Variants in CDH4 observed in about 807,000 individuals in gnomAD.
CDH4 encodes the protein cadherin-4.
CDH4 carries 33 observed loss-of-function variants against 86.0 expected under a neutral mutation model. The ratio of observed to expected loss-of-function variants is 0.38; its 90% CI spans 0.29 to 0.51. The LOEUF (loss-of-function observed/expected upper bound fraction) is 0.51. CDH4 is among the 20% of genes least tolerant of loss of function. The pLI, the probability that CDH4 is intolerant of heterozygous loss-of-function variation, is 0.86. For missense variants in CDH4, 1,114 were observed against 1,307.4 expected (o/e 0.85, Z 2.28); for synonymous variants, 555 against 549.4 (o/e 1.01, Z -0.14).
chr20:61,924,939 A>G (rs1028334358), intron 11 of CDH4, among the ~76,000 whole-genome samples: 1 of 152,148 alleles, frequency 6.6e-6, no homozygotes, highest in Non-Finnish European at 1.5e-5. Flanking sequence ...CACAGACCCC[A>G]TCCTGCGGGG....
chr20:61,374,126 A>G (rs2145437516), intron 2 of CDH4, among the ~76,000 whole-genome samples: 1 of 152,240 alleles, frequency 6.6e-6, no homozygotes, highest in South Asian at 2.1e-4. Context: ...GCTGGCACTG[A>G]GCTTGGGGCT....
intron 2 of CDH4, among the ~76,000 whole-genome samples, chr20:61,706,199 G>C (rs527254659): frequency 7.0e-4 from 107 of 152,292 alleles, no homozygotes; most frequent in African/African-American, 2.5e-3. Flanking sequence ...GTTGCTCCCA[G>C]CTTTCCCGTG....
chr20:61,289,470 C>T (rs561428043), intron 2 of CDH4, among the ~76,000 whole-genome samples: 5 of 152,230 alleles, frequency 3.3e-5, no homozygotes, highest in Admixed American at 1.3e-4. Flanking sequence ...GTAAGGGGTA[C>T]GGGGTGTCGC....
intron 3 of CDH4, among the ~76,000 whole-genome samples, chr20:61,761,843 AC>A (rs147182612): frequency 0.01 from 1,590 of 152,278 alleles, 26 homozygotes; most frequent in African/African-American, 0.036. Context: ...CAGACAGAGC[AC>A]CTTTCCTCTC....
chr20:61,769,071 T>A (rs2088740262), intron 3 of CDH4, among the ~76,000 whole-genome samples: 1 of 152,138 alleles, frequency 6.6e-6, no homozygotes, highest in Non-Finnish European at 1.5e-5. Flanking sequence ...AGAGGGCCCC[T>A]GCTAGTGGCT....
chr20:61,383,388 A>AAT lies in CDH4; in HGVS notation c.169+128456_169+128457dup, dbSNP rs1283950409. On this transcript the variant is annotated intron_variant, in intron 2 of 15. Coordinates refer to ENST00000614565, the MANE Select transcript of CDH4 (RefSeq NM_001794.5). The stretch of plus-strand genomic sequence containing the variant: ...ATATGAATATATATGGATATATATG[A>AAT]ATATATGATATATATGAATATATAT... Among the ~76,000 whole-genome samples the AAT allele has an allele frequency of 6.0e-5, 4 of 66,210 alleles. 1 individual carries two copies. The highest frequency in any genetic ancestry group is 2.8e-4 in the Admixed American group (2 of 7,240). 43.4% of individuals were successfully genotyped at this position (66,210 alleles called of 152,430 possible).
At position 61,383,283 on chromosome 20, in the gene CDH4, T is replaced by G. The variant is rs1423088352; in HGVS notation, c.169+128346T>G. Among the ~76,000 whole-genome samples, 8 of 123,010 alleles carry G rather than the reference T, an allele frequency of 6.5e-5. 3 individuals carry two copies. Among genetic ancestry groups the G allele is most frequent in the African/African-American group, 2.7e-4 (8 of 29,500 alleles). The allele number at this position is 123,010 out of a possible 152,430, so 80.7% of individuals were successfully genotyped here. A position where few individuals can be genotyped will look rare whatever the true frequency, so the allele number is the denominator to read the frequency against. On this transcript the variant is annotated intron_variant, in intron 2 of 15. Transcript: ENST00000614565. ...ATATGTGATATATATGAATATATGA[T>G]ATATATGAATATATGTGATATATAT...
chr20:61,468,032 C>A (rs1301567116), intron 2 of CDH4, among the ~76,000 whole-genome samples: 1 of 152,240 alleles, frequency 6.6e-6, no homozygotes, highest in Admixed American at 6.5e-5. Context: ...ATTCTCCCAG[C>A]ACAGGGTGTG....
chr20:61,712,713 C>G (rs1600901516), intron 2 of CDH4, among the ~76,000 whole-genome samples: 1 of 152,214 alleles, frequency 6.6e-6, no homozygotes, highest in East Asian at 1.9e-4. Context: ...CAGAAGGCAG[C>G]AGGAGCCGTG....
intron 2 of CDH4, among the ~76,000 whole-genome samples, chr20:61,564,894 C>A (rs2086252807): frequency 6.6e-6 from 1 of 152,188 alleles, no homozygotes; most frequent in African/African-American, 2.4e-5. Flanking sequence ...TGTAAATCCA[C>A]AGCATTCACT....
At chr20:61,529,567 G>C (rs893015738) in intron 2 of CDH4, among the ~76,000 whole-genome samples, 5 of 152,210 alleles carry the variant, frequency 3.3e-5, no homozygotes, top group African/African-American at 1.2e-4. Context: ...AGTGAGGAAA[G>C]AGAATCTCTG....
At chr20:61,569,911 G>A (rs970135791) in intron 2 of CDH4, among the ~76,000 whole-genome samples, 1 of 152,144 alleles carries the variant, frequency 6.6e-6, no homozygotes, top group Non-Finnish European at 1.5e-5. Flanking sequence ...TTTCATCAGT[G>A]TTATCATTAC....
intron 2 of CDH4, among the ~76,000 whole-genome samples, chr20:61,535,849 G>GTTCC (rs2085993240): frequency 6.6e-6 from 1 of 152,172 alleles, no homozygotes. Context: ...CGAACCCCCT[G>GTTCC]TTCCCGCTCC....
chr20:61,435,297 A>G (rs2085274535), intron 2 of CDH4, among the ~76,000 whole-genome samples: 1 of 152,236 alleles, frequency 6.6e-6, no homozygotes, highest in South Asian at 2.1e-4. Context: ...TCCCAGGGGC[A>G]ACGTAACCTG....
At chr20:61,645,344 C>T (rs1353946902) in intron 2 of CDH4, among the ~76,000 whole-genome samples, 5 of 152,166 alleles carry the variant, frequency 3.3e-5, no homozygotes, top group African/African-American at 7.2e-5. Flanking sequence ...AAGTGATTGC[C>T]GGCCAGGTGC....
chr20:61,547,407 G>A (rs1229941937), intron 2 of CDH4, among the ~76,000 whole-genome samples: 1 of 151,524 alleles, frequency 6.6e-6, no homozygotes, highest in East Asian at 2.0e-4. Context: ...GTAGAGACGG[G>A]GTTTCACTAC....
At chr20:61,779,288 C>T (rs1221389533) in intron 4 of CDH4, among the ~76,000 whole-genome samples, 1 of 152,182 alleles carries the variant, frequency 6.6e-6, no homozygotes, top group Non-Finnish European at 1.5e-5. Flanking sequence ...CGAATCCTTT[C>T]ATTTTGGCAG....
intron 3 of CDH4, among the ~76,000 whole-genome samples, chr20:61,763,752 GT>G (rs1169591374): frequency 1.2e-4 from 19 of 152,146 alleles, no homozygotes; most frequent in Admixed American, 1.2e-3. Flanking sequence ...ACCTCTGAGT[GT>G]TTTAGCATTC....
chr20:61,916,311 T>C (rs12480985), intron 9 of CDH4, among the ~76,000 whole-genome samples: 10,199 of 152,132 alleles, frequency 0.067, 973 homozygotes, highest in East Asian at 0.44. Flanking sequence ...CCACGCTAGC[T>C]CTTTGCTCAC....
Sources: allele counts gnomAD v4.1 joint callset (sites outside exome capture counted in the v4.1 genomes callset), GRCh38; gene constraint gnomAD v4.1.1; transcripts MANE v1.5; gene names NCBI Gene and HGNC (gene_info 2026-07-23, HGNC 2026-07-21).